The following NCF2 variants were observed in gnomAD, a reference collection of about 807,000 sequenced individuals.
NCF2 encodes neutrophil cytosol factor 2.
NCF2 carries 45 observed loss-of-function variants against 70.9 expected under a neutral mutation model. That is an observed-to-expected ratio of 0.63 (90% confidence interval 0.50 to 0.81). NCF2 has a LOEUF of 0.81. NCF2 is among the 40% of genes least tolerant of loss of function. The probability of loss-of-function intolerance (pLI) is 0.00; values close to 1 mark genes in which losing one functional copy is unlikely to be tolerated. For missense variants in NCF2, 522 were observed against 631.6 expected (o/e 0.83, Z 1.86); for synonymous variants, 203 against 233.6 (o/e 0.87, Z 1.19).
At chr1:183,596,547 G>A in the NCF2 span, among the ~76,000 whole-genome samples, 1 of 152,020 alleles carries the variant, frequency 6.6e-6, no homozygotes, top group Non-Finnish European at 1.5e-5. Context: ...GCCAAGGTGG[G>A]CGGATCACGA....
At chr1:183,595,978 A>G in the NCF2 span, among the ~76,000 whole-genome samples, 1 of 152,086 alleles carries the variant, frequency 6.6e-6, no homozygotes, top group South Asian at 2.1e-4. Flanking sequence ...CTGACTTACC[A>G]GTGAGATTAA....
At position 183,560,222 on chromosome 1, in the gene NCF2, T is replaced by C. The variant is rs141569987; in HGVS notation, c.1342A>G (p.Asn448Asp). 316 of 1,614,230 alleles carry C rather than the reference T, an allele frequency of 2.0e-4. 3 individuals are homozygous for C. In the South Asian group the frequency reaches 2.7e-3, roughly 14 times the overall value. The change falls in exon 14 of 15, where the codon AAT becomes GAT. Residue 448 changes from asparagine (N) to aspartate (D), a missense_variant. Coordinates refer to ENST00000367535, the MANE Select transcript of NCF2 (RefSeq NM_000433.4). ...EPKESEKADA[N>D]NQTTEPQLKK... ...AGCTGAGGTTCTGTTGTCTGGTTAT[T>C]AGCATCAGCTTTTTCACTTTCCTTG...
intron 5 of NCF2, 42 bp from the exon 6 acceptor site, chr1:183,570,881 G>C: frequency 2.5e-6 from 4 of 1,600,070 alleles, no homozygotes; most frequent in Non-Finnish European, 3.4e-6. Context: ...TGCCAGCACT[G>C]TTTCCATTCT....
Position 183,560,189 on chromosome 1 carries a change from C to T in NCF2, c.1375G>A (p.Gly459Ser). 6.2e-7 allele frequency: 1 copy of T among 1,614,168 alleles called. No homozygotes were observed. Among genetic ancestry groups the T allele is most frequent in the Non-Finnish European group, 8.5e-7 (1 of 1,180,050 alleles). Residue 459 changes from glycine to serine, a missense_variant, in exon 14 of 15, where the codon GGC becomes AGC. Coordinates refer to ENST00000367535, the MANE Select transcript of NCF2 (RefSeq NM_000433.4). The stretch of plus-strand genomic sequence containing the variant: ...CTGAAGAGTGCCTCCACTTGGCTGC[C>T]TTTCTTAAGCTGAGGTTCTGTTGTC... ...NQTTEPQLKK[G>S]SQVEALFSYE... is the part of the protein sequence containing the mutation.
At chr1:183,580,994 G>A (rs773549355) in intron 2 of NCF2, among the ~76,000 whole-genome samples, 5 of 148,702 alleles carry the variant, frequency 3.4e-5, no homozygotes, top group South Asian at 2.1e-4. Flanking sequence ...AAAAAAAAAG[G>A]TGTCTACAGA....
chr1:183,556,994 G>C (rs1478792996), intron 14 of NCF2, among the ~76,000 whole-genome samples: 1 of 152,188 alleles, frequency 6.6e-6, no homozygotes. Flanking sequence ...TGGAGCTAGT[G>C]ATGGGTTAGT....
intron 7 of NCF2, 84 bp downstream of exon 7, chr1:183,569,058 C>T (rs1273050099): frequency 2.2e-6 from 3 of 1,338,998 alleles, no homozygotes; most frequent in African/African-American, 1.4e-5. Flanking sequence ...CCTGACCCCA[C>T]CTTCATCTTC....
In NCF2 at chr1:183,556,124, TTC is replaced by T. The variant is rs746336607; in HGVS notation, c.1573_1574del (p.Glu525SerfsTer23). On this transcript the variant is annotated frameshift_variant, in exon 15 of 15. Transcript: ENST00000367535. LOFTEE classifies it high-confidence loss of function. ...TTGTAGTTTGTGAAACATCCTAGACTTCTCTCCGAGTGCTTTCCAAATCTGTA... is the reference window on the plus strand; with the variant it reads ...TTGTAGTTTGTGAAACATCCTAGACTTCTCCGAGTGCTTTCCAAATCTGTA... ...ATTDLESTRR[E>X]V is the part of the protein sequence containing the mutation. 2 of 1,613,816 alleles carry T rather than the reference TTC, an allele frequency of 1.2e-6. No homozygotes were observed. The highest frequency in any genetic ancestry group is 1.3e-5 in the African/African-American group (1 of 75,066).
In NCF2 at chr1:183,563,993, GA is replaced by G; in HGVS notation, c.1026+11del. ...TTCTACCACTTGAAACAGTATGAGG[GA>G]AAAATGTTACCTTAGGCTCTTCTTT... On this transcript the variant is annotated intron_variant, in intron 11 of 14. Coordinates refer to ENST00000367535, the MANE Select transcript of NCF2 (RefSeq NM_000433.4). 1.2e-6 allele frequency: 2 copies of G among 1,605,710 alleles called. No individual in the cohort carries two copies. The highest frequency in any genetic ancestry group is 1.7e-6 in the Non-Finnish European group (2 of 1,172,338).
chr1:183,566,921 T>C lies in NCF2; in HGVS notation c.923A>G (p.Gln308Arg), dbSNP rs775489066. ...GGTCAGGCCTTGGCATCACATTACC[T>C]GGGGCTGCTGCTGAGGGTGGATCCG... ...ELRIHPQQQP[Q>R]EESSPQSDIP... Residue 308 changes from glutamine to arginine, a missense_variant and splice_region_variant, in exon 9 of 15, where the codon CAG (glutamine) becomes CGG (arginine). Physicochemically the swap from Gln to Arg is conservative, Grantham distance 43 (BLOSUM62 1). Coordinates refer to ENST00000367535, the MANE Select transcript of NCF2 (RefSeq NM_000433.4). The C allele has an allele frequency of 4.3e-6, 7 of 1,613,960 alleles. No individual in the cohort carries two copies. In the Admixed American group the frequency reaches 8.3e-5, roughly 19 times the overall value.
chr1:183,597,212 A>G, the NCF2 span, among the ~76,000 whole-genome samples: 1 of 152,218 alleles, frequency 6.6e-6, no homozygotes, highest in Admixed American at 6.5e-5. Context: ...CACTAAATGC[A>G]ATCTAGTCAT....
chr1:183,575,559 G>A (rs10797887), intron 3 of NCF2, among the ~76,000 whole-genome samples: 12,983 of 152,140 alleles, frequency 0.085, 685 homozygotes, highest in East Asian at 0.23. Flanking sequence ...TCAAATAATC[G>A]TTTGGATGCA....
At chr1:183,594,788 C>T (rs188497426), upstream of NCF2, among the ~76,000 whole-genome samples, 116 of 119,060 alleles carry the variant, frequency 9.7e-4, no homozygotes, top group African/African-American at 3.7e-3. Context: ...CTCCCAAGAC[C>T]CTCCTTTTTT....
At chr1:183,568,048 C>T (rs1194283254) in intron 7 of NCF2, among the ~76,000 whole-genome samples, 2 of 152,130 alleles carry the variant, frequency 1.3e-5, no homozygotes, top group Non-Finnish European at 2.9e-5. Flanking sequence ...TCGGCCCATC[C>T]TTGTTTCCAG....
rs143404496 is a variant in NCF2, at chr1:183,576,504, C to T, written c.366+1095G>A. On this transcript the variant is annotated intron_variant, in intron 3 of 14. Transcript: ENST00000367535. ...AGTAGCATCTAAAAGCTAGAGATGCCGTCAAAGTTCCCACGATGCGCAGGA... is the reference window on the plus strand; with the variant it reads ...AGTAGCATCTAAAAGCTAGAGATGCTGTCAAAGTTCCCACGATGCGCAGGA... 2.6e-3 allele frequency among the ~76,000 whole-genome samples: 403 copies of T among 152,264 alleles called. 2 individuals are homozygous for T. Among genetic ancestry groups the T allele is most frequent in the African/African-American group, 9.2e-3 (381 of 41,566 alleles).
chr1:183,557,585 C>T (rs779931479), intron 14 of NCF2, among the ~76,000 whole-genome samples: 1 of 152,184 alleles, frequency 6.6e-6, no homozygotes, highest in South Asian at 2.1e-4. Flanking sequence ...CTACCCTGAC[C>T]GCTAAATTCT....
rs1672708382 is a variant in NCF2, at chr1:183,574,493, A to G, written c.495T>C (p.Cys165=). 6.2e-7 allele frequency: 1 copy of G among 1,614,194 alleles called. No individual in the cohort carries two copies. The highest frequency in any genetic ancestry group is 8.5e-7 in the Non-Finnish European group (1 of 1,180,040). Reference sequence around the variant, plus strand: ...GCATCACCAATACGCTTACCCAGACACACTCCATCGCCTTGTCGATTTTGG... The same window carrying G: ...GCATCACCAATACGCTTACCCAGACGCACTCCATCGCCTTGTCGATTTTGG... ...RHSKIDKAME[C]VWKQKLYEPV... Residue 165 remains cysteine (C), a synonymous_variant, in exon 4 of 15, where the codon TGT becomes TGC. Transcript: ENST00000367535.
In NCF2 at chr1:183,573,127, T is replaced by C. The variant is rs1672639733; in HGVS notation, c.609+58A>G. The stretch of plus-strand genomic sequence containing the variant: ...CCTCTTCTCAAGAGTCCCTCCCACC[T>C]TGCTCCACATGGCCCGGGCCACAGG... On this transcript the variant is annotated intron_variant, in intron 5 of 14. Transcript: ENST00000367535. 10 of 1,507,856 alleles carry C rather than the reference T, an allele frequency of 6.6e-6. No homozygotes were observed. The South Asian group carries it at 7.9e-5, about 12-fold the overall frequency. The allele number at this position is 1,507,856 out of a possible 1,614,324, so 93.4% of individuals were successfully genotyped here. A position where few individuals can be genotyped will look rare whatever the true frequency, so the allele number is the denominator to read the frequency against.
intron 2 of NCF2, among the ~76,000 whole-genome samples, chr1:183,583,308 C>A (rs1673197741): frequency 6.6e-6 from 1 of 152,188 alleles, no homozygotes; most frequent in South Asian, 2.1e-4. Flanking sequence ...CCTACCTTGG[C>A]CTCCTAAAGT....
Sources: allele counts gnomAD v4.1 joint callset (sites outside exome capture counted in the v4.1 genomes callset), GRCh38; gene constraint gnomAD v4.1.1; transcripts MANE v1.5; gene names NCBI Gene and HGNC (gene_info 2026-07-23, HGNC 2026-07-21).